RFC1: variants seen among roughly 807,000 people sequenced by gnomAD.
RFC1 encodes the protein replication factor C subunit 1.
In RFC1, 37 loss-of-function variants were observed where a neutral mutation model predicts 137.4. That is an observed-to-expected ratio of 0.27 (90% confidence interval 0.21 to 0.35). RFC1 has a LOEUF of 0.35. RFC1 is among the 10% of genes least tolerant of loss of function. The pLI, the probability that RFC1 is intolerant of heterozygous loss-of-function variation, is 1.00. For synonymous variants in RFC1, 429 were observed against 455.7 expected (o/e 0.94, Z 0.75); for missense variants, 1,205 against 1,358.5 (o/e 0.89, Z 1.78).
intron 4 of RFC1, among the ~76,000 whole-genome samples, chr4:39,333,906 C>A (rs1740231308): frequency 6.6e-6 from 1 of 151,998 alleles, no homozygotes; most frequent in Non-Finnish European, 1.5e-5. Context: ...TGGGAGTGTT[C>A]TATAAGATAC....
chr4:39,321,056 C>A (rs1255417965), intron 8 of RFC1, among the ~76,000 whole-genome samples: 1 of 152,102 alleles, frequency 6.6e-6, no homozygotes, highest in East Asian at 1.9e-4. Context: ...TAACAAGAAG[C>A]CAGGAGTTTT....
At chr4:39,326,764 G>T in intron 5 of RFC1, 124 bp from the exon 6 acceptor site, 1 of 691,444 alleles carries the variant, frequency 1.4e-6, no homozygotes, top group Non-Finnish European at 2.4e-6. Flanking sequence ...AGTAACAGCT[G>T]CAATGTACAC....
rs1409175533 is a variant in RFC1 at position 39,320,540 on chromosome 4, G to A, written c.938C>T (p.Pro313Leu). 5.6e-6 allele frequency: 9 copies of A among 1,613,196 alleles called. No homozygotes were observed. The Admixed American group carries it at 1.3e-4, about 24-fold the overall frequency. Reference protein sequence around the residue: ...SADKIGEVSSPKASSKLAIMK... With the variant: ...SADKIGEVSSLKASSKLAIMK... ...AATTGCCAGCTTAGAACTGGCCTTG[G>A]GAGAAGAGACTTCTCCTATTTTGTC... The change falls in exon 9 of 25, where the codon CCC (proline) becomes CTC (leucine). Residue 313 changes from proline (P) to leucine (L), a missense_variant. Pro to Leu is a moderately conservative substitution (Grantham distance 98). Around this residue, in one of 3 missense-constraint regions of RFC1, gnomAD observed 962 missense variants for 1,035.3 expected, o/e 0.93. Coordinates refer to ENST00000349703, the MANE Select transcript of RFC1 (RefSeq NM_002913.5).
chr4:39,340,257 T>A lies in RFC1; in HGVS notation c.331+2088A>T, dbSNP rs143853057. On this transcript the variant is annotated intron_variant, in intron 4 of 24. Coordinates refer to ENST00000349703, the MANE Select transcript of RFC1 (RefSeq NM_002913.5). ...ACAGAAGATAGGAAAAGATAAAGTATGCAATAATGAAGAAAAAATTCTATC... is the reference window on the plus strand; with the variant it reads ...ACAGAAGATAGGAAAAGATAAAGTAAGCAATAATGAAGAAAAAATTCTATC... 2.0e-3 allele frequency among the ~76,000 whole-genome samples: 304 copies of A among 152,338 alleles called. 2 individuals carry two copies. The highest frequency in any genetic ancestry group is 6.9e-3 in the African/African-American group (286 of 41,582).
intron 12 of RFC1, among the ~76,000 whole-genome samples, chr4:39,310,820 C>CT (rs1738928292): frequency 6.6e-6 from 1 of 152,144 alleles, no homozygotes; most frequent in Non-Finnish European, 1.5e-5. Context: ...TTAAGGAACT[C>CT]TTAAACAATA....
intron 21 of RFC1, 39 bp from the exon 22 acceptor site, chr4:39,295,798 G>A (rs201146022): frequency 2.0e-5 from 31 of 1,581,532 alleles, no homozygotes; most frequent in East Asian, 1.6e-4. Flanking sequence ...TTTATGTTCC[G>A]TACAAAGTTA....
Position 39,306,559 on chromosome 4 carries a change from A to G in RFC1, c.1995+33T>C, listed in dbSNP as rs1193009492. On this transcript the variant is annotated intron_variant, in intron 14 of 24. Coordinates refer to ENST00000349703, the MANE Select transcript of RFC1 (RefSeq NM_002913.5). ...CTCCTAGCCATGACCACTCGAGGTT[A>G]TCTGTCCGACCACACTGTGACAACG... is the stretch of plus-strand genomic sequence containing the variant. 3.3e-6 allele frequency: 4 copies of G among 1,196,522 alleles called. No homozygotes were observed. In the African/African-American group the frequency reaches 4.5e-5, roughly 13 times the overall value. 74.1% of individuals were successfully genotyped at this position (1,196,522 alleles called of 1,614,324 possible). A position where few individuals can be genotyped will look rare whatever the true frequency, so the allele number is the denominator to read the frequency against.
Position 39,351,451 on chromosome 4 carries a change from A to G in RFC1, c.29T>C (p.Ile10Thr). 1 of 1,568,402 alleles carries G rather than the reference A, an allele frequency of 6.4e-7. No homozygotes were observed. Among genetic ancestry groups the G allele is most frequent in the Admixed American group, 2.0e-5 (1 of 49,864 alleles). ...ACTTACAAGTTTCTTTCCACTTGGT[A>G]TTACTCCAAAGAATTTCCGAATGTC... is the stretch of plus-strand genomic sequence containing the variant. MDIRKFFGVIPSGKKLVSET... is the reference protein window; with the variant it reads MDIRKFFGVTPSGKKLVSET... The change falls in exon 2 of 25, where the codon ATA becomes ACA. Residue 10 changes from isoleucine (I) to threonine (T), a missense_variant. This residue lies in a region of RFC1 where 962 missense variants were observed against 1,035.3 expected (regional missense o/e 0.93). Coordinates refer to ENST00000349703, the MANE Select transcript of RFC1 (RefSeq NM_002913.5).
intron 4 of RFC1, among the ~76,000 whole-genome samples, chr4:39,332,362 G>A (rs926052515): frequency 1.3e-5 from 2 of 152,080 alleles, no homozygotes; most frequent in African/African-American, 4.8e-5. Context: ...CTGCTATTCT[G>A]TTGCTGGCTT....
chr4:39,348,422 C>CAAAAAAGAAAAGAAAAGAAAAGAAAAG (rs1439980434), intron 2 of RFC1, among the ~76,000 whole-genome samples: 2 of 46,138 alleles, frequency 4.3e-5, no homozygotes, highest in African/African-American at 1.8e-4. Context: ...GACTCTGTTT[C>CAAAAAAGAAAAGAAAAGAAAAGAAAAG]AAAAAAGAAA....
chr4:39,301,607 T>C (rs1289842530), intron 19 of RFC1, among the ~76,000 whole-genome samples: 1 of 152,162 alleles, frequency 6.6e-6, no homozygotes, highest in Non-Finnish European at 1.5e-5. Context: ...GATCACCATG[T>C]TGGCCAGGCT....
At chr4:39,349,945 G>T (rs980922559) in intron 2 of RFC1, among the ~76,000 whole-genome samples, 1 of 152,020 alleles carries the variant, frequency 6.6e-6, no homozygotes, top group Non-Finnish European at 1.5e-5. Context: ...CAGAGGTTGC[G>T]GTGAGCCGAG....
At chr4:39,356,054 C>G (rs1413621745) in intron 1 of RFC1, 2 of 149,260 alleles carry the variant, frequency 1.3e-5, no homozygotes, top group Non-Finnish European at 3.0e-5. Flanking sequence ...AATCTAGCCA[C>G]ACTTACCAAA....
chr4:39,322,689 G>A (rs1007740126), intron 7 of RFC1, among the ~76,000 whole-genome samples: 2 of 151,960 alleles, frequency 1.3e-5, no homozygotes, highest in Admixed American at 6.6e-5. Flanking sequence ...TGAGGTGGGA[G>A]GATAGCTTGA....
At chr4:39,336,895 T>C (rs978466791) in intron 4 of RFC1, among the ~76,000 whole-genome samples, 3 of 152,248 alleles carry the variant, frequency 2.0e-5, no homozygotes, top group African/African-American at 4.8e-5. Flanking sequence ...AAACTTTATT[T>C]GTCCCTTAAT....
At chr4:39,347,189 G>C (rs561929926) in intron 2 of RFC1, among the ~76,000 whole-genome samples, 1 of 152,284 alleles carries the variant, frequency 6.6e-6, no homozygotes, top group East Asian at 1.9e-4. Flanking sequence ...CATCATATTA[G>C]GTGTTTCTAC....
chr4:39,304,960 C>A (rs1185576881), intron 14 of RFC1, 32 bp from the exon 15 acceptor site: 4 of 1,305,514 alleles, frequency 3.1e-6, no homozygotes, highest in Non-Finnish European at 4.4e-6. Context: ...ACTGAAGGCA[C>A]AATACAAATT....
intron 3 of RFC1, among the ~76,000 whole-genome samples, chr4:39,343,267 C>T (rs1740694594): frequency 6.6e-6 from 1 of 152,180 alleles, no homozygotes; most frequent in South Asian, 2.1e-4. Flanking sequence ...AAGTGATCCG[C>T]CCACCTCAGC....
At position 39,327,504 on chromosome 4, in the gene RFC1, C is replaced by G; in HGVS notation, c.564+20G>C. 2 of 1,527,634 alleles carry G rather than the reference C, an allele frequency of 1.3e-6. No individual in the cohort carries two copies. The highest frequency in any genetic ancestry group is 1.8e-6 in the Non-Finnish European group (2 of 1,114,156). The allele number at this position is 1,527,634 out of a possible 1,614,324, so 94.6% of individuals were successfully genotyped here. A position where few individuals can be genotyped will look rare whatever the true frequency, so the allele number is the denominator to read the frequency against. ...TGGGTATAAATCCTGAGCATACTTGCTTATATGTAGAACACTTACCTCTTT... is the reference window on the plus strand; with the variant it reads ...TGGGTATAAATCCTGAGCATACTTGGTTATATGTAGAACACTTACCTCTTT... On this transcript the variant is annotated intron_variant, in intron 5 of 24. Transcript: ENST00000349703.
Sources: allele counts gnomAD v4.1 joint callset (sites outside exome capture counted in the v4.1 genomes callset), GRCh38; gene constraint gnomAD v4.1.1; regional missense constraint gnomAD v4.1.1; transcripts MANE v1.5; gene names NCBI Gene and HGNC (gene_info 2026-07-23, HGNC 2026-07-21).